ZNF449: variants seen among roughly 807,000 people sequenced by gnomAD.
The protein encoded by ZNF449 is zinc finger protein 449, also known as zinc finger and SCAN domain-containing protein 19.
Under a neutral mutation model 32.6 loss-of-function variants are expected in ZNF449, and 4 were observed. That is an observed-to-expected ratio of 0.12 (90% CI 0.06 to 0.28). ZNF449 has a LOEUF of 0.28. ZNF449 is among the 10% of genes least tolerant of loss of function. The probability of loss-of-function intolerance (pLI) is 1.00; values close to 1 mark genes in which losing one functional copy is unlikely to be tolerated. For synonymous variants in ZNF449, 123 were observed against 132.2 expected (o/e 0.93, Z 0.48); for missense variants, 275 against 383.2 (o/e 0.72, Z 2.36).
rs905586337 is a variant in ZNF449 at position 135,344,846 on chromosome X, G to C, written c.-101+11G>C. ...GTGGGCGCTGAGGCGGTGAGTCCCC[G>C]AGCGGCCAGAGGGCGTGGCCGTTCC... On this transcript the variant is annotated intron_variant, in intron 1 of 4. Coordinates refer to ENST00000339249, the MANE Select transcript of ZNF449 (RefSeq NM_152695.6). 18 of 113,340 alleles carry C rather than the reference G, an allele frequency of 1.6e-4. No individual in the cohort carries two copies. The highest frequency in any genetic ancestry group is 5.4e-4 in the African/African-American group (17 of 31,277). The allele number at this position is 113,340 out of a possible 1,213,427, so 9.3% of individuals were successfully genotyped here. A position where few individuals can be genotyped will look rare whatever the true frequency, so the allele number is the denominator to read the frequency against.
Position 135,360,439 on chromosome X carries a change from C to G in ZNF449, c.920C>G (p.Pro307Arg). The G allele has an allele frequency of 8.3e-7, 1 of 1,211,440 alleles. No homozygotes were observed. The highest frequency in any genetic ancestry group is 1.8e-5 in the South Asian group (1 of 56,941). ...CCTGAGAACTCCAACTTGGAAGAAC[C>G]TCTCAACCCTAAACCCCACAAGAAA... ...ETPENSNLEE[P>R]LNPKPHKKKS... The change falls in exon 5 of 5, where the codon CCT becomes CGT. Residue 307 changes from proline (P) to arginine (R), a missense_variant. Pro to Arg is a moderately radical substitution (Grantham distance 103). Around this residue, in one of 3 missense-constraint regions of ZNF449, gnomAD observed 165 missense variants for 175.0 expected, o/e 0.94. Coordinates refer to ENST00000339249, the MANE Select transcript of ZNF449 (RefSeq NM_152695.6).
chrX:135,353,378 C>T (rs1303778447), intron 3 of ZNF449, among the ~76,000 whole-genome samples: 3 of 111,238 alleles, frequency 2.7e-5, no homozygotes, highest in Admixed American at 9.5e-5. Context: ...ATCAACCATG[C>T]CTGGACTTAA....
chrX:135,360,559 G>A lies in ZNF449; in HGVS notation c.1040G>A (p.Gly347Glu), dbSNP rs2084941570. 1 of 1,211,735 alleles carries A rather than the reference G, an allele frequency of 8.3e-7. No homozygotes were observed. The highest frequency in any genetic ancestry group is 1.8e-5 in the South Asian group (1 of 56,983). ...QLTGHQRIHSGEEPHKCPECG... is the reference protein window; with the variant it reads ...QLTGHQRIHSEEEPHKCPECG... ...ACTGGGCATCAGAGAATTCATTCAG[G>A]AGAAGAACCTCACAAATGCCCTGAA... The change falls in exon 5 of 5, where the codon GGA becomes GAA. Residue 347 changes from glycine (G) to glutamate (E), a missense_variant. Physicochemically the swap from Gly to Glu is moderately conservative, Grantham distance 98. Transcript: ENST00000339249.
At chrX:135,360,042 A>C (rs1299114922) in intron 4 of ZNF449, 37 bp downstream of exon 4, 2 of 1,118,309 alleles carry the variant, frequency 1.8e-6, no homozygotes, top group Non-Finnish European at 2.4e-6. Context: ...GTGGGAAAAA[A>C]AAAGAAAAAT....
chrX:135,361,232 A>T lies in ZNF449; in HGVS notation c.*156A>T. 2.5e-6 allele frequency: 1 copy of T among 399,095 alleles called. No homozygotes were observed. The allele number at this position is 399,095 out of a possible 1,213,427, so 32.9% of individuals were successfully genotyped here. Reference sequence around the variant, plus strand: ...AGTTTTAAAACCCATCTTCCAAGGTATATGAATTCTAGAGTATTTATCTAC... The same window carrying T: ...AGTTTTAAAACCCATCTTCCAAGGTTTATGAATTCTAGAGTATTTATCTAC... On this transcript the variant is annotated 3_prime_UTR_variant, in exon 5 of 5. Transcript: ENST00000339249.
intron 3 of ZNF449, among the ~76,000 whole-genome samples, chrX:135,356,762 A>C (rs1450695345): frequency 2.7e-5 from 3 of 112,027 alleles, no homozygotes; most frequent in Non-Finnish European, 5.7e-5. Context: ...AAGCTAGAGA[A>C]AAGAAAATGT....
intron 3 of ZNF449, among the ~76,000 whole-genome samples, chrX:135,355,062 G>T (rs1556451504): frequency 9.1e-6 from 1 of 110,026 alleles, no homozygotes; most frequent in Non-Finnish European, 1.9e-5. Flanking sequence ...GGGCCTCCAG[G>T]CTTCTACCAC....
rs2084943552 is a variant in ZNF449 at position 135,360,929 on chromosome X, A to G, written c.1410A>G (p.Lys470=). The G allele has an allele frequency of 8.3e-7, 1 of 1,209,728 alleles. No individual in the cohort carries two copies. Among genetic ancestry groups the G allele is most frequent in the African/African-American group, 1.8e-5 (1 of 57,114 alleles). The part of the protein sequence containing the change: ...ERPFKCNYCG[K]SFRQRPSLVI... Reference sequence around the variant, plus strand: ...CTTTTAAATGTAATTATTGTGGGAAAAGTTTTAGACAGAGACCAAGCCTCG... The same window carrying G: ...CTTTTAAATGTAATTATTGTGGGAAGAGTTTTAGACAGAGACCAAGCCTCG... Residue 470 remains lysine (K), a synonymous_variant, in exon 5 of 5, where the codon AAA becomes AAG. Transcript: ENST00000339249.
At chrX:135,347,782 C>A in intron 2 of ZNF449, 1 of 617,503 alleles carries the variant, frequency 1.6e-6, no homozygotes, top group Non-Finnish European at 2.5e-6. Context: ...GCCTGAAGGC[C>A]AATTCTAGCC....
At position 135,360,619 on chromosome X, in the gene ZNF449, A is replaced by G; in HGVS notation, c.1100A>G (p.Tyr367Cys). 2 of 1,211,705 alleles carry G rather than the reference A, an allele frequency of 1.7e-6. No individual in the cohort carries two copies. Among genetic ancestry groups the G allele is most frequent in the Non-Finnish European group, 1.1e-6 (1 of 895,399 alleles). ...GKRFLRSSDL[Y>C]RHQRLHTGER... is the part of the protein sequence containing the mutation. Reference sequence around the variant, plus strand: ...AGATTCCTTCGTAGTTCAGACCTTTATAGACACCAACGACTTCATACAGGG... The same window carrying G: ...AGATTCCTTCGTAGTTCAGACCTTTGTAGACACCAACGACTTCATACAGGG... The change falls in exon 5 of 5, where the codon TAT (tyrosine) becomes TGT (cysteine). Residue 367 changes from tyrosine (Y) to cysteine (C), a missense_variant. By Grantham distance (194) the Tyr-to-Cys change is radical. This residue lies in a region of ZNF449 where 80 missense variants were observed against 146.6 expected (regional missense o/e 0.55). Transcript: ENST00000339249.
intron 3 of ZNF449, among the ~76,000 whole-genome samples, chrX:135,349,637 C>T (rs2084872658): frequency 1.8e-5 from 2 of 112,024 alleles, no homozygotes; most frequent in South Asian, 3.7e-4. Flanking sequence ...ATGTGGTGGG[C>T]CCCAAGGGCC....
Position 135,347,397 on chromosome X carries a change from C to T in ZNF449, c.279C>T (p.His93=), listed in dbSNP as rs367634368. 1.7e-6 allele frequency: 2 copies of T among 1,210,457 alleles called. No individual in the cohort carries two copies. Among genetic ancestry groups the T allele is most frequent in the South Asian group, 1.8e-5 (1 of 56,810 alleles). The change falls in exon 2 of 5, where the codon CAC becomes CAT. Residue 93 remains histidine (H), a synonymous_variant. Coordinates refer to ENST00000339249, the MANE Select transcript of ZNF449 (RefSeq NM_152695.6). ...PTEIETWVRE[H]CPENRERVVS... The stretch of plus-strand genomic sequence containing the variant: ...AGATAGAGACCTGGGTGAGGGAGCA[C>T]TGCCCAGAGAATAGAGAAAGAGTTG...
At chrX:135,359,866 A>G (rs781835120) in intron 3 of ZNF449, 26 bp from the exon 4 acceptor site, 2 of 1,078,734 alleles carry the variant, frequency 1.9e-6, no homozygotes, top group Non-Finnish European at 1.3e-6. Context: ...CCAAACTGTA[A>G]TGCTTCCCAT....
At chrX:135,347,668 A>T (rs2084856979) in intron 2 of ZNF449, 196 bp downstream of exon 2, 1 of 1,101,787 alleles carries the variant, frequency 9.1e-7, no homozygotes, top group African/African-American at 1.9e-5. Context: ...CCCCTTCTAT[A>T]ACAAATAGTT....
rs971234530 is a variant in ZNF449 at position 135,361,088 on chromosome X, G to A, written c.*12G>A. ...GAGGACTTATTTAAGAATTGCTAAGGGAAACAGGTCTTACACAAATTGACA... is the reference window on the plus strand; with the variant it reads ...GAGGACTTATTTAAGAATTGCTAAGAGAAACAGGTCTTACACAAATTGACA... On this transcript the variant is annotated 3_prime_UTR_variant, in exon 5 of 5. Coordinates refer to ENST00000339249, the MANE Select transcript of ZNF449 (RefSeq NM_152695.6). The A allele has an allele frequency of 3.5e-6, 4 of 1,140,347 alleles. No homozygotes were observed. The highest frequency in any genetic ancestry group is 2.5e-4 in the Middle Eastern group (1 of 4,058). 94.0% of individuals were successfully genotyped at this position (1,140,347 alleles called of 1,213,427 possible). A position where few individuals can be genotyped will look rare whatever the true frequency, so the allele number is the denominator to read the frequency against.
intron 3 of ZNF449, among the ~76,000 whole-genome samples, chrX:135,358,947 A>C (rs937955603): frequency 2.7e-5 from 3 of 111,978 alleles, no homozygotes; most frequent in African/African-American, 9.7e-5. Flanking sequence ...TTAAAAAGGA[A>C]ATTTTTTTTT....
At chrX:135,346,354 G>A (rs782034304) in intron 1 of ZNF449, among the ~76,000 whole-genome samples, 38 of 112,214 alleles carry the variant, frequency 3.4e-4, no homozygotes, top group Non-Finnish European at 6.2e-4. Context: ...ACAAGAATGA[G>A]AGATGGACAA....
In ZNF449 at chrX:135,349,096, G is replaced by C. The variant is rs2084868134; in HGVS notation, c.355-14G>C. On this transcript the variant is annotated splice_polypyrimidine_tract_variant and intron_variant, in intron 2 of 4. Coordinates refer to ENST00000339249, the MANE Select transcript of ZNF449 (RefSeq NM_152695.6). ...GTCTAGACTTGAGAGTGATGGTTCT[G>C]GCATTTCCCCCAGGTTGATATGCAT... 2 of 1,207,044 alleles carry C rather than the reference G, an allele frequency of 1.7e-6. No individual in the cohort carries two copies. Among genetic ancestry groups the C allele is most frequent in the Non-Finnish European group, 2.2e-6 (2 of 892,621 alleles).
At chrX:135,350,052 G>T (rs781955836) in intron 3 of ZNF449, among the ~76,000 whole-genome samples, 23 of 106,792 alleles carry the variant, frequency 2.2e-4, no homozygotes, top group African/African-American at 7.6e-4. Flanking sequence ...TGTCGCCCAG[G>T]CTGGAGTGCA....
Sources: allele counts gnomAD v4.1 joint callset (sites outside exome capture counted in the v4.1 genomes callset), GRCh38; gene constraint gnomAD v4.1.1; regional missense constraint gnomAD v4.1.1; transcripts MANE v1.5; gene names NCBI Gene and HGNC (gene_info 2026-07-23, HGNC 2026-07-21).